The following CSMD3 variants were observed in gnomAD, a reference collection of about 807,000 sequenced individuals.
The protein encoded by CSMD3 is CUB and sushi domain-containing protein 3.
In CSMD3, 177 loss-of-function variants were observed where a neutral mutation model predicts 435.2. The observed-to-expected ratio is 0.41, with a 90% confidence interval of 0.36 to 0.46. CSMD3 has a LOEUF of 0.46. CSMD3 is among the 20% of genes least tolerant of loss of function. The pLI is 0.34. For synonymous variants in CSMD3, 1,656 were observed against 1,520.5 expected (o/e 1.09, Z -2.07); for missense variants, 4,265 against 4,504.6 (o/e 0.95, Z 1.52).
intron 2 of CSMD3, chr8:113,310,494 A>C (rs1563683185): frequency 6.6e-6 from 1 of 152,024 alleles, no homozygotes; most frequent in Admixed American, 6.5e-5. Context: ...GAATAAATGA[A>C]TTATGTAAAT....
chr8:112,300,406 ATTT>A (rs1820806760), intron 53 of CSMD3, among the ~76,000 whole-genome samples: 2 of 151,642 alleles, frequency 1.3e-5, no homozygotes, highest in African/African-American at 4.8e-5. Context: ...AACTATTAAG[ATTT>A]TTTATTTTTT....
chr8:113,374,968 G>T (rs2133072393), intron 1 of CSMD3, among the ~76,000 whole-genome samples: 1 of 152,000 alleles, frequency 6.6e-6, no homozygotes, highest in South Asian at 2.1e-4. Flanking sequence ...ACAGTTGGAA[G>T]ACAGCGTTCT....
chr8:112,813,272 T>C (rs2079279411), intron 12 of CSMD3, among the ~76,000 whole-genome samples: 1 of 152,188 alleles, frequency 6.6e-6, no homozygotes, highest in African/African-American at 2.4e-5. Context: ...GATTGCCTTT[T>C]AAACTCTTTA....
intron 38 of CSMD3, among the ~76,000 whole-genome samples, chr8:112,379,248 T>C (rs573403821): frequency 6.6e-6 from 1 of 152,288 alleles, no homozygotes; most frequent in African/African-American, 2.4e-5. Context: ...GGTGGGTGGA[T>C]CACCTGAGGT....
chr8:113,148,739 C>T (rs1019427187), intron 4 of CSMD3, among the ~76,000 whole-genome samples: 2 of 151,600 alleles, frequency 1.3e-5, no homozygotes, highest in East Asian at 3.9e-4. Flanking sequence ...TAAAACAAAA[C>T]AAACCAAGAG....
rs78851734 is a variant in CSMD3, at chr8:112,832,867, T to A, written c.1756-3078A>T. On this transcript the variant is annotated intron_variant, in intron 11 of 70. Coordinates refer to ENST00000297405, the MANE Select transcript of CSMD3 (RefSeq NM_198123.2). ...ATTAGCACAATATTCCTTTCATTTT[T>A]CCCTCCAATATGAACATCCAGTTGT... 2.9e-3 allele frequency among the ~76,000 whole-genome samples: 445 copies of A among 152,270 alleles called. 7 individuals are homozygous for A. The highest frequency in any genetic ancestry group is 0.01 in the African/African-American group (424 of 41,574).
chr8:112,639,959 T>C (rs1301249876), intron 20 of CSMD3, among the ~76,000 whole-genome samples: 1 of 152,170 alleles, frequency 6.6e-6, no homozygotes, highest in East Asian at 1.9e-4. Context: ...AATTACTGAA[T>C]GATGGGAGTA....
intron 27 of CSMD3, among the ~76,000 whole-genome samples, chr8:112,543,919 C>T (rs1007506149): frequency 1.3e-5 from 2 of 152,096 alleles, no homozygotes; most frequent in Non-Finnish European, 2.9e-5. Context: ...CAATAGTCAG[C>T]AACATGAGCG....
intron 32 of CSMD3, among the ~76,000 whole-genome samples, chr8:112,448,924 T>C (rs1344127038): frequency 6.6e-6 from 1 of 152,140 alleles, no homozygotes; most frequent in East Asian, 1.9e-4. Context: ...CAAGCTGTTC[T>C]TTGATAGGAA....
chr8:113,432,288 C>T (rs2094678862), intron 1 of CSMD3, among the ~76,000 whole-genome samples: 2 of 152,212 alleles, frequency 1.3e-5, no homozygotes, highest in Admixed American at 1.3e-4. Flanking sequence ...ATTGGGTTAA[C>T]TTAGCAACTC....
At position 112,782,290 on chromosome 8, in the gene CSMD3, T is replaced by C. The variant is rs184498686; in HGVS notation, c.1972+17872A>G. On this transcript the variant is annotated intron_variant, in intron 13 of 70. Coordinates refer to ENST00000297405, the MANE Select transcript of CSMD3 (RefSeq NM_198123.2). ...GAAATTATGGAGCTGAAAAAGGCAA[T>C]TGACATACTGAAGAATGCATCAGTC... 2.2e-3 allele frequency among the ~76,000 whole-genome samples: 342 copies of C among 152,138 alleles called. 1 individual carries two copies. The highest frequency in any genetic ancestry group is 7.9e-3 in the African/African-American group (330 of 41,544).
At chr8:113,408,757 A>G (rs569778081) in intron 1 of CSMD3, among the ~76,000 whole-genome samples, 1 of 151,452 alleles carries the variant, frequency 6.6e-6, no homozygotes. Context: ...TCCTGGGTTC[A>G]AGGTTCAAGC....
intron 5 of CSMD3, among the ~76,000 whole-genome samples, chr8:113,021,541 G>A (rs963784953): frequency 6.6e-6 from 1 of 152,148 alleles, no homozygotes; most frequent in South Asian, 2.1e-4. Context: ...CACCAAAGCA[G>A]AGTTTGGAGA....
intron 58 of CSMD3, among the ~76,000 whole-genome samples, chr8:112,282,532 T>C (rs998044642): frequency 3.9e-5 from 6 of 152,240 alleles, no homozygotes; most frequent in Admixed American, 3.9e-4. Flanking sequence ...GTAATTTTTA[T>C]TTTGAAATAG....
At chr8:112,467,073 C>G (rs1224057032) in intron 32 of CSMD3, among the ~76,000 whole-genome samples, 1 of 152,148 alleles carries the variant, frequency 6.6e-6, no homozygotes, top group Non-Finnish European at 1.5e-5. Flanking sequence ...TAAAAAGCCT[C>G]TCCTACAGCA....
chr8:112,855,809 C>CTTTTTTTTTTTT (rs34885472), intron 11 of CSMD3, among the ~76,000 whole-genome samples: 3 of 135,572 alleles, frequency 2.2e-5, no homozygotes, highest in Non-Finnish European at 4.7e-5. Context: ...CTTAGCGAAG[C>CTTTTTTTTTTTT]TTTTTTTTTT....
At chr8:113,171,898 A>G (rs1469826373) in intron 4 of CSMD3, among the ~76,000 whole-genome samples, 1 of 152,216 alleles carries the variant, frequency 6.6e-6, no homozygotes, top group Admixed American at 6.5e-5. Flanking sequence ...CTCTGCTTAC[A>G]GCCTTGAGAG....
intron 63 of CSMD3, among the ~76,000 whole-genome samples, chr8:112,250,130 G>A (rs988006071): frequency 2.6e-5 from 4 of 151,868 alleles, no homozygotes; most frequent in Non-Finnish European, 5.9e-5. Flanking sequence ...TCTTTGAAGG[G>A]TATATTTGGG....
intron 13 of CSMD3, among the ~76,000 whole-genome samples, chr8:112,791,869 C>A (rs752839834): frequency 6.6e-6 from 1 of 152,054 alleles, no homozygotes; most frequent in African/African-American, 2.4e-5. Flanking sequence ...CCAGTTATTC[C>A]GCTTCCTTGC....
Sources: gnomAD v4.1 joint callset for allele counts (sites outside exome capture counted in the v4.1 genomes callset) on GRCh38, gnomAD v4.1.1 for gene constraint, MANE v1.5 for transcripts, NCBI Gene and HGNC (gene_info 2026-07-23, HGNC 2026-07-21) for gene names.